SCHIP1: variants seen among roughly 807,000 people sequenced by gnomAD.
SCHIP1 encodes schwannomin interacting protein 1.
A neutral mutation model predicts 29.7 loss-of-function variants in SCHIP1; 8 were observed. The observed-to-expected ratio is 0.27, with a 90% CI of 0.16 to 0.49. SCHIP1 has a LOEUF of 0.49. Ranked by LOEUF, SCHIP1 falls within the 20% of genes least tolerant of loss-of-function variation. The pLI is 0.99. For missense variants in SCHIP1, 193 were observed against 294.6 expected (o/e 0.66, Z 2.52); for synonymous variants, 76 against 94.9 (o/e 0.80, Z 1.16).
At chr3:159,569,926 G>A in the SCHIP1 span, among the ~76,000 whole-genome samples, 1 of 152,194 alleles carries the variant, frequency 6.6e-6, no homozygotes, top group East Asian at 1.9e-4. Flanking sequence ...CAGCGATAAT[G>A]AGCATTTTTT....
chr3:159,762,944 A>G, the SCHIP1 span, among the ~76,000 whole-genome samples: 1 of 151,974 alleles, frequency 6.6e-6, no homozygotes. Context: ...GAGGTGGCGG[A>G]AAGAGTCTCT....
chr3:159,296,216 A>T, the SCHIP1 span, among the ~76,000 whole-genome samples: 1 of 152,098 alleles, frequency 6.6e-6, no homozygotes, highest in African/African-American at 2.4e-5. Context: ...ATGTGAACAT[A>T]AAAAATAGAT....
chr3:159,781,501 A>T, the SCHIP1 span, among the ~76,000 whole-genome samples: 4 of 152,218 alleles, frequency 2.6e-5, no homozygotes, highest in Non-Finnish European at 4.4e-5. Context: ...TAAATTGCTT[A>T]TGTGAAGCTT....
chr3:159,492,503 G>A, the SCHIP1 span, among the ~76,000 whole-genome samples: 11 of 152,124 alleles, frequency 7.2e-5, no homozygotes, highest in South Asian at 2.1e-4. Context: ...GGGTATCAGC[G>A]ATGGAAGATG....
the SCHIP1 span, among the ~76,000 whole-genome samples, chr3:159,389,336 G>A: frequency 6.6e-6 from 1 of 151,848 alleles, no homozygotes; most frequent in South Asian, 2.1e-4. Context: ...TTTTAGAAAA[G>A]CATGTTAAAA....
chr3:159,768,357 A>ATG, the SCHIP1 span: 1 of 152,198 alleles, frequency 6.6e-6, no homozygotes, highest in East Asian at 1.9e-4. Flanking sequence ...TCAATGACAT[A>ATG]CTATTGGGTT....
the SCHIP1 span, among the ~76,000 whole-genome samples, chr3:159,513,688 C>A: frequency 6.7e-6 from 1 of 148,746 alleles, no homozygotes. Context: ...AAAGGGGCTC[C>A]AAATTGCTCC....
chr3:159,760,650 G>A, the SCHIP1 span, among the ~76,000 whole-genome samples: 10 of 152,048 alleles, frequency 6.6e-5, no homozygotes, highest in African/African-American at 2.2e-4. Context: ...TCCAATTACC[G>A]TGAATGAGGG....
the SCHIP1 span, among the ~76,000 whole-genome samples, chr3:159,436,429 G>A: frequency 2.6e-5 from 4 of 152,142 alleles, no homozygotes; most frequent in Non-Finnish European, 5.9e-5. Flanking sequence ...CTCCTAGAGA[G>A]AATCTAGCAG....
chr3:159,414,466 C>T, the SCHIP1 span, among the ~76,000 whole-genome samples: 56 of 152,202 alleles, frequency 3.7e-4, 1 homozygote, highest in Non-Finnish European at 7.3e-5. Flanking sequence ...AGGTGCTCTC[C>T]TTTTTGGGAT....
At chr3:159,566,299 C>T in the SCHIP1 span, among the ~76,000 whole-genome samples, 33 of 152,260 alleles carry the variant, frequency 2.2e-4, no homozygotes, top group African/African-American at 7.9e-4. Flanking sequence ...AGATTACAAA[C>T]AATGCTGTCA....
At chr3:159,536,294 C>T in the SCHIP1 span, among the ~76,000 whole-genome samples, 3 of 152,178 alleles carry the variant, frequency 2.0e-5, no homozygotes, top group Admixed American at 2.0e-4. Context: ...CCTCCCATCA[C>T]TATAACAATC....
the SCHIP1 span, among the ~76,000 whole-genome samples, chr3:159,467,161 A>G: frequency 1.3e-5 from 2 of 152,118 alleles, no homozygotes. Context: ...TCCCTCAAAA[A>G]TATGCAATAT....
upstream of SCHIP1, among the ~76,000 whole-genome samples, chr3:159,835,049 A>G (rs1046852188): frequency 2.0e-5 from 3 of 152,106 alleles, no homozygotes; most frequent in Admixed American, 2.0e-4. Context: ...CTTTTCTTTC[A>G]TTGCCCAGTA....
the SCHIP1 span, among the ~76,000 whole-genome samples, chr3:159,528,354 TC>T: frequency 6.6e-6 from 1 of 152,190 alleles, no homozygotes; most frequent in East Asian, 1.9e-4. Context: ...CCAGTAGCCT[TC>T]CATGAAGGGA....
chr3:159,848,362 A>G (rs919183589), intron 1 of SCHIP1, among the ~76,000 whole-genome samples: 1 of 152,152 alleles, frequency 6.6e-6, no homozygotes, highest in African/African-American at 2.4e-5. Flanking sequence ...GACAATCCCC[A>G]TAGAAGGATA....
At chr3:159,766,164 GTGTGTGGCAGC>G in the SCHIP1 span, among the ~76,000 whole-genome samples, 1 of 152,216 alleles carries the variant, frequency 6.6e-6, no homozygotes, top group Non-Finnish European at 1.5e-5. Flanking sequence ...GCTGCTTTCT[GTGTGTGGCAGC>G]TGTGTGGCAG....
the SCHIP1 span, among the ~76,000 whole-genome samples, chr3:159,746,929 G>A: frequency 6.6e-6 from 1 of 152,182 alleles, no homozygotes; most frequent in South Asian, 2.1e-4. Flanking sequence ...GCTTCTTTGA[G>A]CTGTCCACAT....
the SCHIP1 span, among the ~76,000 whole-genome samples, chr3:159,296,947 C>A: frequency 6.6e-6 from 1 of 152,160 alleles, no homozygotes; most frequent in African/African-American, 2.4e-5. Flanking sequence ...TAGGCCCTGG[C>A]AACTATCGTT....
Sources: allele counts gnomAD v4.1 joint callset (sites outside exome capture counted in the v4.1 genomes callset), GRCh38; gene constraint gnomAD v4.1.1; transcripts MANE v1.5; gene names NCBI Gene and HGNC (gene_info 2026-07-23, HGNC 2026-07-21).